The following IPP variants were observed in gnomAD, a reference collection of about 807,000 sequenced individuals.
The protein encoded by IPP is actin-binding protein IPP.
Under a neutral mutation model 64.1 loss-of-function variants are expected in IPP, and 41 were observed. The observed-to-expected ratio is 0.64, with a 90% CI of 0.50 to 0.83. The LOEUF (loss-of-function observed/expected upper bound fraction) is 0.83, where lower values mean the gene tolerates loss of function less well. Ranked by LOEUF, IPP falls within the 40% of genes least tolerant of loss-of-function variation. The pLI is 0.00. For missense variants in IPP, 649 were observed against 703.0 expected, an observed-to-expected ratio of 0.92 and a Z score of 0.87; for synonymous variants, 214 against 235.2, an observed-to-expected ratio of 0.91 and a Z score of 0.83.
intron 3 of IPP, among the ~76,000 whole-genome samples, chr1:45,738,152 A>G (rs1646005037): frequency 6.6e-6 from 1 of 152,186 alleles, no homozygotes; most frequent in African/African-American, 2.4e-5. Context: ...GGACTACTGC[A>G]CTTGTTCTTT....
intron 8 of IPP, 135 bp downstream of exon 8, chr1:45,714,111 C>G (rs990042481): frequency 1.4e-5 from 8 of 590,974 alleles, no homozygotes; most frequent in African/African-American, 1.3e-4. Flanking sequence ...CCAAAAGTTT[C>G]TTCTTTGGAA....
intron 8 of IPP, among the ~76,000 whole-genome samples, chr1:45,712,313 A>G (rs1645601209): frequency 6.6e-6 from 1 of 151,556 alleles, no homozygotes; most frequent in Non-Finnish European, 1.5e-5. Flanking sequence ...AAAAAAAAAA[A>G]AGCAACCAAC....
chr1:45,722,201 C>A (rs1418056789), intron 5 of IPP, among the ~76,000 whole-genome samples: 2 of 151,186 alleles, frequency 1.3e-5, no homozygotes, highest in African/African-American at 2.4e-5. Flanking sequence ...TTGCTGTGAG[C>A]CGAGACTGAG....
At chr1:45,727,048 C>T (rs1645838476) in intron 5 of IPP, among the ~76,000 whole-genome samples, 1 of 151,802 alleles carries the variant, frequency 6.6e-6, no homozygotes, top group Non-Finnish European at 1.5e-5. Context: ...ATTCTATAAA[C>T]AACTTTTCTT....
chr1:45,704,820 GCAACTCTCTGTAAGA>G (rs1337199776), intron 8 of IPP, among the ~76,000 whole-genome samples: 1 of 152,164 alleles, frequency 6.6e-6, no homozygotes, highest in Non-Finnish European at 1.5e-5. Flanking sequence ...AGAGGCGAAA[GCAACTCTCTGTAAGA>G]CACACCCACC....
intron 1 of IPP, 70 bp from the exon 2 acceptor site, chr1:45,746,531 A>G (rs1196436941): frequency 1.5e-6 from 1 of 652,346 alleles, no homozygotes; most frequent in Non-Finnish European, 2.7e-6. Context: ...ACACATAAGA[A>G]GCATTCTCTA....
chr1:45,733,378 A>C (rs1645935731), intron 3 of IPP, among the ~76,000 whole-genome samples: 1 of 151,966 alleles, frequency 6.6e-6, no homozygotes, highest in African/African-American at 2.4e-5. Context: ...GTGAGCTGAG[A>C]TCACACCACT....
chr1:45,706,023 C>T (rs1345763449), intron 8 of IPP, among the ~76,000 whole-genome samples: 1 of 152,072 alleles, frequency 6.6e-6, no homozygotes, highest in Non-Finnish European at 1.5e-5. Context: ...GTACAGTATA[C>T]AGGTCCCCTT....
At chr1:45,704,790 A>G (rs965960687) in intron 8 of IPP, among the ~76,000 whole-genome samples, 1 of 152,310 alleles carries the variant, frequency 6.6e-6, no homozygotes, top group Middle Eastern at 3.4e-3. Flanking sequence ...GACAAGATTG[A>G]AGACTAGCTG....
In IPP at chr1:45,699,507, TAA is replaced by T. The variant is rs937965056; in HGVS notation, c.*457_*458del. On this transcript the variant is annotated 3_prime_UTR_variant, in exon 9 of 9. Coordinates refer to ENST00000396478, the MANE Select transcript of IPP (RefSeq NM_005897.3). Reference sequence around the variant, plus strand: ...CTAGTAAATAATTTCTACAAATTTGTAAAATAGGAGTTGTCTACACTTAAACT... The same window carrying T: ...CTAGTAAATAATTTCTACAAATTTGTAATAGGAGTTGTCTACACTTAAACT... The T allele has an allele frequency of 4.0e-6, 4 of 988,080 alleles. No individual in the cohort carries two copies. In the African/African-American group the frequency reaches 7.0e-5, roughly 17 times the overall value. 61.2% of individuals were successfully genotyped at this position (988,080 alleles called of 1,614,324 possible). A position where few individuals can be genotyped will look rare whatever the true frequency, so the allele number is the denominator to read the frequency against.
intron 5 of IPP, among the ~76,000 whole-genome samples, chr1:45,725,816 T>G (rs1645817025): frequency 7.2e-6 from 1 of 138,494 alleles, no homozygotes; most frequent in Non-Finnish European, 1.6e-5. Flanking sequence ...CTGAAACATG[T>G]GCTGTGTCCA....
chr1:45,719,083 C>A, intron 6 of IPP, 120 bp downstream of exon 6: 1 of 827,240 alleles, frequency 1.2e-6, no homozygotes. Flanking sequence ...GATTATTACG[C>A]ATTATGTGCC....
At chr1:45,748,241 A>G (rs1646167336) in intron 1 of IPP, among the ~76,000 whole-genome samples, 1 of 152,226 alleles carries the variant, frequency 6.6e-6, no homozygotes, top group Non-Finnish European at 1.5e-5. Flanking sequence ...ATATACATGT[A>G]TCAAAATATC....
At chr1:45,732,753 A>G (rs1433434902) in intron 3 of IPP, among the ~76,000 whole-genome samples, 1 of 151,838 alleles carries the variant, frequency 6.6e-6, no homozygotes, top group Non-Finnish European at 1.5e-5. Flanking sequence ...TGAAAGCTCC[A>G]CCTCCTGGGT....
intron 8 of IPP, among the ~76,000 whole-genome samples, chr1:45,704,534 C>T (rs865826305): frequency 6.6e-5 from 10 of 151,984 alleles, no homozygotes; most frequent in African/African-American, 1.7e-4. Context: ...CCGCGCCCGG[C>T]GGAAGCAAAG....
At chr1:45,698,676 T>C, downstream of IPP, 1 of 975,642 alleles carries the variant, frequency 1.0e-6, no homozygotes, top group South Asian at 4.7e-5. Context: ...ACAGATAATT[T>C]TGGTGACAAC....
Position 45,714,246 on chromosome 1 carries a change from C to T in IPP, c.1530G>A (p.Glu510=), listed in dbSNP as rs751903282. Residue 510 remains glutamate, a splice_region_variant and synonymous_variant, in exon 8 of 9, where the codon GAG becomes GAA. Coordinates refer to ENST00000396478, the MANE Select transcript of IPP (RefSeq NM_005897.3). ...AAATATCTGAAATCATCCAACCTAC[C>T]TCTTCAAAGGAATATTTTTCTACAG... ...LHTVEKYSFE[E]EKWVEVASMK... The T allele has an allele frequency of 6.2e-7, 1 of 1,604,818 alleles. No homozygotes were observed. Among genetic ancestry groups the T allele is most frequent in the East Asian group, 2.2e-5 (1 of 44,848 alleles).
intron 3 of IPP, among the ~76,000 whole-genome samples, chr1:45,732,144 G>C (rs898834635): frequency 6.6e-6 from 1 of 151,856 alleles, no homozygotes; most frequent in African/African-American, 2.4e-5. Context: ...TGGATCACCT[G>C]AGGTCAAGAG....
rs367944812 is a variant in IPP at position 45,698,721 on chromosome 1, T to TC, written c.*1244_*1245insG. 0.3 allele frequency: 113,711 copies of TC among 374,776 alleles called. 3,998 individuals are homozygous for TC. Among genetic ancestry groups the TC allele is most frequent in the Middle Eastern group, 0.33 (223 of 682 alleles). The allele number at this position is 374,776 out of a possible 1,614,324, so 23.2% of individuals were successfully genotyped here. A position where few individuals can be genotyped will look rare whatever the true frequency, so the allele number is the denominator to read the frequency against. On this transcript the variant is annotated 3_prime_UTR_variant, in exon 9 of 9. Transcript: ENST00000396478. ...AAAAAGGAAGAATTTTTTTTTCTTT[T>TC]TTTTTTTTTTTTTTTGAGACAGGTT...
Sources: allele counts gnomAD v4.1 joint callset (sites outside exome capture counted in the v4.1 genomes callset), GRCh38; gene constraint gnomAD v4.1.1; transcripts MANE v1.5; gene names NCBI Gene and HGNC (gene_info 2026-07-23, HGNC 2026-07-21).